DLAT: variants seen among roughly 807,000 people sequenced by gnomAD.
DLAT encodes the protein dihydrolipoyllysine-residue acetyltransferase component of pyruvate dehydrogenase complex, mitochondrial.
A neutral mutation model predicts 68.0 loss-of-function variants in DLAT; 43 were observed. The ratio of observed to expected loss-of-function variants is 0.63; its 90% confidence interval spans 0.50 to 0.81. The LOEUF (loss-of-function observed/expected upper bound fraction) is 0.81, where lower values mean the gene tolerates loss of function less well. DLAT is among the 40% of genes least tolerant of loss of function. The probability of loss-of-function intolerance (pLI) is 0.00; values close to 1 mark genes in which losing one functional copy is unlikely to be tolerated. For missense variants in DLAT, 745 were observed against 815.4 expected, an observed-to-expected ratio of 0.91 and a Z score of 1.05; for synonymous variants, 265 against 288.6, an observed-to-expected ratio of 0.92 and a Z score of 0.83.
intron 6 of DLAT, among the ~76,000 whole-genome samples, chr11:112,038,818 CCTGGGTGACAGAGCAAGACT>C (rs1862903735): frequency 6.6e-6 from 1 of 150,830 alleles, no homozygotes; most frequent in Non-Finnish European, 1.5e-5. Flanking sequence ...TGCACTCCAG[CCTGGGTGACAGAGCAAGACT>C]CTGTCTCAAA....
chr11:112,039,472 C>T (rs1432395050), intron 7 of DLAT, 75 bp downstream of exon 7: 30 of 1,439,080 alleles, frequency 2.1e-5, no homozygotes, highest in Non-Finnish European at 2.6e-5. Flanking sequence ...CTTGCAAGTA[C>T]AACTATGTAT....
At chr11:112,047,737 CTTG>C (rs1863396316) in intron 10 of DLAT, among the ~76,000 whole-genome samples, 1 of 152,168 alleles carries the variant, frequency 6.6e-6, no homozygotes, top group African/African-American at 2.4e-5. Flanking sequence ...TTCCCCATTG[CTTG>C]TTGTTGTCAG....
intron 4 of DLAT, among the ~76,000 whole-genome samples, chr11:112,031,720 C>T (rs111970519): frequency 0.041 from 6,234 of 150,762 alleles, 422 homozygotes; most frequent in African/African-American, 0.14. Context: ...ACTACAGGCA[C>T]GTGCCACCAT....
At chr11:112,030,688 G>T (rs1346864268) in intron 4 of DLAT, among the ~76,000 whole-genome samples, 10 of 152,178 alleles carry the variant, frequency 6.6e-5, no homozygotes. Flanking sequence ...CAGTTTATTA[G>T]GTATTAGGGT....
intron 11 of DLAT, among the ~76,000 whole-genome samples, chr11:112,052,739 A>G (rs1555182126): frequency 2.6e-5 from 4 of 152,144 alleles, no homozygotes; most frequent in African/African-American, 9.7e-5. Flanking sequence ...TTTGATCTCC[A>G]GGATCTCCAG....
At position 112,025,582 on chromosome 11, in the gene DLAT, G is replaced by C. The variant is rs1555179103; in HGVS notation, c.110G>C (p.Arg37Pro). 6.2e-7 allele frequency: 1 copy of C among 1,613,966 alleles called. No individual in the cohort carries two copies. Among genetic ancestry groups the C allele is most frequent in the South Asian group, 1.1e-5 (1 of 91,080 alleles). Residue 37 changes from arginine (R) to proline (P), a missense_variant, in exon 1 of 14, where the codon CGA becomes CCA. Coordinates refer to ENST00000280346, the MANE Select transcript of DLAT (RefSeq NM_001931.5). ...EVPGTPRVTS[R>P]SGPAPARRNS... ...CCCGGAACTCCACGAGTGACCTCGC[G>C]ATCTGGCCCGGCTCCCGCTCGTCGC...
intron 2 of DLAT, among the ~76,000 whole-genome samples, chr11:112,027,189 G>A (rs1411729397): frequency 3.3e-5 from 5 of 151,420 alleles, no homozygotes; most frequent in East Asian, 2.0e-4. Context: ...CAGACGGGGC[G>A]GTTGCCAGGC....
At position 112,064,159 on chromosome 11, in the gene DLAT, T is replaced by C. The variant is rs1555183598; in HGVS notation, c.*1624T>C. 3.8e-6 allele frequency: 6 copies of C among 1,560,086 alleles called. No homozygotes were observed. In the African/African-American group the frequency reaches 4.1e-5, roughly 11 times the overall value. On this transcript the variant is annotated 3_prime_UTR_variant, in exon 14 of 14. Transcript: ENST00000280346. The stretch of plus-strand genomic sequence containing the variant: ...CATCATCAATATGATCCAAATCTGG[T>C]TCAAACATTCAAAACTTCAAAGATA...
At chr11:112,030,014 A>T in intron 4 of DLAT, 1 of 1,035,162 alleles carries the variant, frequency 9.7e-7, no homozygotes, top group Non-Finnish European at 1.5e-6. Flanking sequence ...AGCCATTTGT[A>T]CTGGGACCGC....
intron 4 of DLAT, chr11:112,030,018 G>T: frequency 9.7e-7 from 1 of 1,028,206 alleles, no homozygotes; most frequent in Non-Finnish European, 1.5e-6. Context: ...ATTTGTACTG[G>T]GACCGCTGTT....
intron 6 of DLAT, among the ~76,000 whole-genome samples, chr11:112,038,836 ACT>A (rs1323816006): frequency 1.3e-5 from 2 of 151,488 alleles, no homozygotes; most frequent in African/African-American, 4.9e-5. Context: ...ACAGAGCAAG[ACT>A]CTGTCTCAAA....
At chr11:112,050,255 C>T (rs1304443348) in intron 10 of DLAT, among the ~76,000 whole-genome samples, 1 of 150,918 alleles carries the variant, frequency 6.6e-6, no homozygotes, top group Non-Finnish European at 1.5e-5. Flanking sequence ...TTATATATTG[C>T]TGGATTTTAT....
chr11:112,029,029 A>C, intron 4 of DLAT, 84 bp downstream of exon 4: 1 of 1,495,014 alleles, frequency 6.7e-7, no homozygotes, highest in Non-Finnish European at 9.3e-7. Flanking sequence ...CATCTTGGAA[A>C]CTGACATTAA....
At chr11:112,059,709 A>G (rs1864424624) in intron 11 of DLAT, among the ~76,000 whole-genome samples, 194 bp from the exon 12 acceptor site, 1 of 152,138 alleles carries the variant, frequency 6.6e-6, no homozygotes. Context: ...TTGATTTTTA[A>G]TAACTACAAG....
intron 2 of DLAT, 128 bp from the exon 3 acceptor site, chr11:112,028,387 C>T (rs587660212): frequency 3.9e-5 from 45 of 1,150,612 alleles, no homozygotes; most frequent in Middle Eastern, 5.8e-4. Context: ...CCACTGCACT[C>T]CAGCCTTGGT....
chr11:112,051,502 T>A lies in DLAT; in HGVS notation c.1514+153T>A, dbSNP rs942817545. On this transcript the variant is annotated intron_variant, in intron 11 of 13. Coordinates refer to ENST00000280346, the MANE Select transcript of DLAT (RefSeq NM_001931.5). The surrounding 1 kb of genome is among the most constrained non-coding windows in gnomAD (Gnocchi z 4.3). ...CTTGAAAACAACACAAAAATGTTTA[T>A]GAGTTACTGCTTTTTACTTTTTTTT... Among the ~76,000 whole-genome samples the A allele has an allele frequency of 6.6e-6, 1 of 152,234 alleles. No homozygotes were observed. The highest frequency in any genetic ancestry group is 1.9e-4 in the East Asian group (1 of 5,202).
chr11:112,064,364 T>C lies in DLAT; in HGVS notation c.*1829T>C, dbSNP rs1864824998. The C allele has an allele frequency of 3.0e-6, 2 of 664,810 alleles. No individual in the cohort carries two copies. The highest frequency in any genetic ancestry group is 4.7e-6 in the Non-Finnish European group (2 of 424,296). 41.2% of individuals were successfully genotyped at this position (664,810 alleles called of 1,614,324 possible). On this transcript the variant is annotated 3_prime_UTR_variant, in exon 14 of 14. Transcript: ENST00000280346. ...ATAGTGTTTTTGGTTCATATGATTA[T>C]TTAAAAATTAAAGTATAAATCTTCA...
At position 112,025,686 on chromosome 11, in the gene DLAT, C is replaced by G. The variant is rs781821674; in HGVS notation, c.214C>G (p.Arg72Gly). 2 of 1,613,104 alleles carry G rather than the reference C, an allele frequency of 1.2e-6. No individual in the cohort carries two copies. Among genetic ancestry groups the G allele is most frequent in the African/African-American group, 1.3e-5 (1 of 75,066 alleles). ...CAGTTCTGGGGCCACGCCGCGGAAC[C>G]GCTTACTGCTGCAGCTTTTGGGGTC... ...TPSSGATPRN[R>G]LLLQLLGSPG... The change falls in exon 1 of 14, where the codon CGC (arginine) becomes GGC (glycine). Residue 72 changes from arginine (R) to glycine (G), a missense_variant. Arg to Gly is a moderately radical substitution (Grantham distance 125). Transcript: ENST00000280346.
chr11:112,061,850 T>G (rs932251079), intron 13 of DLAT, among the ~76,000 whole-genome samples: 1 of 152,332 alleles, frequency 6.6e-6, no homozygotes, highest in Admixed American at 6.5e-5. Context: ...TCCAAAGTGC[T>G]GGGATTACAG....
Sources: gnomAD v4.1 joint callset for allele counts (sites outside exome capture counted in the v4.1 genomes callset) on GRCh38, gnomAD v4.1.1 for gene constraint, Gnocchi (gnomAD v3.1) non-coding constraint, MANE v1.5 for transcripts, NCBI Gene and HGNC (gene_info 2026-07-23, HGNC 2026-07-21) for gene names.